DCP1A: variants seen among roughly 807,000 people sequenced by gnomAD.
The protein encoded by DCP1A is decapping mRNA 1A.
A neutral mutation model predicts 58.0 loss-of-function variants in DCP1A; 20 were observed. That is an observed-to-expected ratio of 0.34 (90% CI 0.24 to 0.50). The LOEUF is 0.50. Ranked by LOEUF, DCP1A falls within the 20% of genes least tolerant of loss-of-function variation. The probability of loss-of-function intolerance (pLI) is 0.98; values close to 1 mark genes in which losing one functional copy is unlikely to be tolerated. For synonymous variants in DCP1A, 285 were observed against 275.1 expected, an observed-to-expected ratio of 1.04 and a Z score of -0.36; for missense variants, 613 against 712.2, an observed-to-expected ratio of 0.86 and a Z score of 1.59.
chr3:53,287,470 T>C lies in DCP1A; in HGVS notation c.*110A>G, dbSNP rs1706681678. The C allele has an allele frequency of 1.6e-6, 1 of 624,440 alleles. No individual in the cohort carries two copies. The highest frequency in any genetic ancestry group is 2.8e-6 in the Non-Finnish European group (1 of 356,250). The allele number at this position is 624,440 out of a possible 1,614,324, so 38.7% of individuals were successfully genotyped here. A position where few individuals can be genotyped will look rare whatever the true frequency, so the allele number is the denominator to read the frequency against. ...TCTTAAGAAATGAGTCTCTTTCTCA[T>C]AGGCTCAATTTCAGGATTCTCAAAC... On this transcript the variant is annotated 3_prime_UTR_variant, in exon 10 of 10. Transcript: ENST00000610213.
At chr3:53,313,589 T>G (rs1553688894) in intron 4 of DCP1A, among the ~76,000 whole-genome samples, 2 of 152,128 alleles carry the variant, frequency 1.3e-5, no homozygotes, top group Non-Finnish European at 2.9e-5. Context: ...CTTTCAAGCT[T>G]GAATAATAAA....
intron 7 of DCP1A, among the ~76,000 whole-genome samples, chr3:53,291,311 A>G (rs1189546897): frequency 3.6e-5 from 5 of 139,140 alleles, no homozygotes; most frequent in Admixed American, 3.5e-4. Context: ...TCCCCTCACG[A>G]ATTTTTCCTT....
At chr3:53,335,882 T>C (rs1553691850) in intron 3 of DCP1A, among the ~76,000 whole-genome samples, 1 of 152,192 alleles carries the variant, frequency 6.6e-6, no homozygotes, top group East Asian at 1.9e-4. Context: ...TGGAGCGCAG[T>C]GGCGTGATCA....
chr3:53,310,828 T>G (rs1434579180), intron 5 of DCP1A, among the ~76,000 whole-genome samples: 1 of 152,200 alleles, frequency 6.6e-6, no homozygotes, highest in Non-Finnish European at 1.5e-5. Flanking sequence ...ACCCTGGAGG[T>G]GGGACTTCCT....
At chr3:53,295,148 A>C (rs1448961346) in intron 6 of DCP1A, among the ~76,000 whole-genome samples, 1 of 152,198 alleles carries the variant, frequency 6.6e-6, no homozygotes, top group Non-Finnish European at 1.5e-5. Flanking sequence ...TGAAGGACAG[A>C]AAGTTAAGGG....
chr3:53,312,095 C>T, intron 5 of DCP1A, 146 bp downstream of exon 5: 1 of 809,906 alleles, frequency 1.2e-6, no homozygotes, highest in Non-Finnish European at 1.8e-6. Flanking sequence ...GGACTGATTA[C>T]AGGAGTGTGC....
At chr3:53,330,586 A>G (rs1243018710) in intron 3 of DCP1A, among the ~76,000 whole-genome samples, 2 of 151,994 alleles carry the variant, frequency 1.3e-5, no homozygotes, top group African/African-American at 4.8e-5. Flanking sequence ...AGAAAGTTCT[A>G]ACGCAGTTTA....
chr3:53,288,344 T>A, intron 8 of DCP1A, 61 bp from the exon 9 acceptor site: 1 of 1,358,432 alleles, frequency 7.4e-7, no homozygotes, highest in Non-Finnish European at 1.0e-6. Flanking sequence ...AGGCCCAGAA[T>A]AGGGACCATG....
At chr3:53,332,734 G>A (rs548435423) in intron 3 of DCP1A, among the ~76,000 whole-genome samples, 6 of 151,982 alleles carry the variant, frequency 3.9e-5, no homozygotes, top group South Asian at 2.1e-4. Context: ...GTGTGGTGGC[G>A]GGTGCCTGTA....
At position 53,315,746 on chromosome 3, in the gene DCP1A, T is replaced by TG. The variant is rs1305356211; in HGVS notation, c.372-3368_372-3367insC. ...TGTTTGGAGTAAATCAGTTTGTTGT[T>TG]TTTTTTTTTTGTTTTTTTTTTTTTT... On this transcript the variant is annotated intron_variant, in intron 4 of 9. Transcript: ENST00000610213. 2.9e-3 allele frequency among the ~76,000 whole-genome samples: 312 copies of TG among 108,620 alleles called. 8 individuals carry two copies. The highest frequency in any genetic ancestry group is 4.4e-3 in the Non-Finnish European group (243 of 55,180). The allele number at this position is 108,620 out of a possible 152,430, so 71.3% of individuals were successfully genotyped here.
intron 5 of DCP1A, among the ~76,000 whole-genome samples, chr3:53,310,176 CATTTT>C (rs1423560290): frequency 6.6e-6 from 1 of 152,220 alleles, no homozygotes; most frequent in African/African-American, 2.4e-5. Flanking sequence ...CAAAGGGTTT[CATTTT>C]AATCTACCCA....
intron 3 of DCP1A, among the ~76,000 whole-genome samples, chr3:53,339,868 G>A (rs1209438676): frequency 1.3e-5 from 2 of 152,082 alleles, no homozygotes; most frequent in Non-Finnish European, 2.9e-5. Context: ...ACAGAATTAA[G>A]CCTATTTCAC....
intron 4 of DCP1A, among the ~76,000 whole-genome samples, chr3:53,315,921 T>G (rs144321940): frequency 2.0e-5 from 3 of 151,892 alleles, no homozygotes; most frequent in Non-Finnish European, 4.4e-5. Context: ...GCCCCGCTAA[T>G]TTTTTTGTAT....
intron 3 of DCP1A, among the ~76,000 whole-genome samples, chr3:53,341,574 T>C (rs1374329123): frequency 6.6e-6 from 1 of 152,208 alleles, no homozygotes; most frequent in African/African-American, 2.4e-5. Flanking sequence ...GGGCAGCTGA[T>C]AGTCCACAGC....
At chr3:53,312,092 T>C (rs1707662130) in intron 5 of DCP1A, 149 bp downstream of exon 5, 9 of 790,468 alleles carry the variant, frequency 1.1e-5, no homozygotes, top group Non-Finnish European at 1.7e-5. Context: ...CTGGGACTGA[T>C]TACAGGAGTG....
At chr3:53,333,378 T>G (rs2089051065) in intron 3 of DCP1A, among the ~76,000 whole-genome samples, 1 of 152,076 alleles carries the variant, frequency 6.6e-6, no homozygotes, top group Non-Finnish European at 1.5e-5. Flanking sequence ...ACTCCTGACC[T>G]CGTGATCCAC....
Position 53,291,967 on chromosome 3 carries a change from T to TA in DCP1A, c.1383+101dup, listed in dbSNP as rs781871932. On this transcript the variant is annotated intron_variant, in intron 7 of 9. Transcript: ENST00000610213. ...CTGACATACTTTAAAGGGACAACTC[T>TA]AAAAATTGTCATGTCATGACAGTTA... 1.5e-4 allele frequency: 201 copies of TA among 1,315,368 alleles called. 4 individuals carry two copies. The East Asian group carries it at 2.7e-3, about 18-fold the overall frequency. 81.5% of individuals were successfully genotyped at this position (1,315,368 alleles called of 1,614,324 possible).
intron 6 of DCP1A, among the ~76,000 whole-genome samples, chr3:53,300,709 G>A (rs782159776): frequency 2.6e-5 from 4 of 151,812 alleles, no homozygotes; most frequent in Non-Finnish European, 4.4e-5. Context: ...GTGCAGTGGT[G>A]CGATCTTGGC....
At chr3:53,339,872 A>G (rs2106894292) in intron 3 of DCP1A, among the ~76,000 whole-genome samples, 1 of 152,214 alleles carries the variant, frequency 6.6e-6, no homozygotes, top group Middle Eastern at 3.4e-3. Flanking sequence ...AATTAAGCCT[A>G]TTTCACTTAA....
Sources: allele counts gnomAD v4.1 joint callset (sites outside exome capture counted in the v4.1 genomes callset), GRCh38; gene constraint gnomAD v4.1.1; transcripts MANE v1.5; gene names NCBI Gene and HGNC (gene_info 2026-07-23, HGNC 2026-07-21).